The following MARCHF1 variants were observed in gnomAD, a reference collection of about 807,000 sequenced individuals.
The protein encoded by MARCHF1 is E3 ubiquitin-protein ligase MARCHF1.
MARCHF1 carries 40 observed loss-of-function variants against 54.2 expected under a neutral mutation model. The ratio of observed to expected loss-of-function variants is 0.74; its 90% confidence interval spans 0.57 to 0.96. The LOEUF (loss-of-function observed/expected upper bound fraction) is 0.96. MARCHF1 is among the 40% of genes least tolerant of loss of function. MARCHF1 has a pLI of 0.00. For synonymous variants in MARCHF1, 236 were observed against 236.3 expected (o/e 1.00, Z 0.01); for missense variants, 586 against 656.5 (o/e 0.89, Z 1.17).
In MARCHF1 at chr4:163,838,192, T is replaced by C. The variant is rs562100215; in HGVS notation, c.111+15829A>G. 3.3e-5 allele frequency among the ~76,000 whole-genome samples: 5 copies of C among 152,210 alleles called. No homozygotes were observed. In the South Asian group the frequency reaches 1.0e-3, roughly 32 times the overall value. On this transcript the variant is annotated intron_variant, in intron 4 of 9. Coordinates refer to ENST00000514618, the MANE Select transcript of MARCHF1 (RefSeq NM_001394959.1). The stretch of plus-strand genomic sequence containing the variant: ...GACTGGTTCCAGGAACTCCTGAAAA[T>C]ACCAAAATCCATGGATGGATGGTCA...
intron 5 of MARCHF1, among the ~76,000 whole-genome samples, chr4:163,648,586 G>T (rs1272447997): frequency 2.1e-5 from 3 of 144,096 alleles, no homozygotes; most frequent in Non-Finnish European, 4.5e-5. Context: ...TTCTATAGCA[G>T]GGGTAGCAAA....
intron 1 of MARCHF1, among the ~76,000 whole-genome samples, chr4:164,298,720 C>T (rs912536887): frequency 2.6e-5 from 4 of 152,026 alleles, no homozygotes; most frequent in Non-Finnish European, 4.4e-5. Flanking sequence ...TATACCGCTT[C>T]CATGGACAAA....
At chr4:163,551,543 A>T (rs1739106713) in intron 8 of MARCHF1, among the ~76,000 whole-genome samples, 1 of 152,236 alleles carries the variant, frequency 6.6e-6, no homozygotes, top group Non-Finnish European at 1.5e-5. Flanking sequence ...GGCAGCTGGT[A>T]AAGTTCACTA....
At chr4:164,185,377 C>A (rs1443680786) in intron 1 of MARCHF1, among the ~76,000 whole-genome samples, 1 of 152,068 alleles carries the variant, frequency 6.6e-6, no homozygotes, top group East Asian at 1.9e-4. Context: ...ATCACTATAT[C>A]CAATAACTTC....
chr4:164,252,703 C>T (rs960072720), intron 1 of MARCHF1, among the ~76,000 whole-genome samples: 16 of 151,958 alleles, frequency 1.1e-4, no homozygotes, highest in Non-Finnish European at 1.9e-4. Context: ...AAGTTAATAT[C>T]CTCAGAGATA....
At chr4:164,186,120 T>G (rs1043958336) in intron 1 of MARCHF1, among the ~76,000 whole-genome samples, 10 of 152,180 alleles carry the variant, frequency 6.6e-5, no homozygotes, top group African/African-American at 2.4e-4. Context: ...CTCGAACTTC[T>G]GACATCAGAT....
rs1751994327 is a variant in MARCHF1, at chr4:163,944,872, A to T, written c.-39+43629T>A. Reference sequence around the variant, plus strand: ...AGTTTTGCAAGAGTAATATCAATTTAAAATGATTAGATATAGACATTGAAT... The same window carrying T: ...AGTTTTGCAAGAGTAATATCAATTTTAAATGATTAGATATAGACATTGAAT... On this transcript the variant is annotated intron_variant, in intron 3 of 9. Coordinates refer to ENST00000514618, the MANE Select transcript of MARCHF1 (RefSeq NM_001394959.1). Among the ~76,000 whole-genome samples the T allele has an allele frequency of 1.3e-5, 2 of 152,218 alleles. 1 individual carries two copies. The highest frequency in any genetic ancestry group is 4.1e-4 in the South Asian group (2 of 4,824).
intron 2 of MARCHF1, among the ~76,000 whole-genome samples, chr4:164,089,603 T>C (rs902690669): frequency 2.0e-5 from 3 of 152,032 alleles, no homozygotes; most frequent in Non-Finnish European, 2.9e-5. Flanking sequence ...TATTCTAGAG[T>C]TGATGCTATA....
chr4:164,006,161 T>C (rs1206334054), intron 2 of MARCHF1, among the ~76,000 whole-genome samples: 1 of 152,090 alleles, frequency 6.6e-6, no homozygotes, highest in Non-Finnish European at 1.5e-5. Context: ...AATTGTAAGT[T>C]CTCTGAAAAA....
intron 1 of MARCHF1, among the ~76,000 whole-genome samples, chr4:164,134,944 G>A (rs562542984): frequency 8.6e-5 from 13 of 151,946 alleles, no homozygotes; most frequent in East Asian, 3.9e-4. Flanking sequence ...GGACAATATC[G>A]TCAAAATTAG....
At chr4:163,796,603 C>T (rs1478229280) in intron 4 of MARCHF1, among the ~76,000 whole-genome samples, 1 of 152,000 alleles carries the variant, frequency 6.6e-6, no homozygotes, top group African/African-American at 2.4e-5. Context: ...TTTTTTCATA[C>T]AGTCTGATAT....
At chr4:164,189,822 C>G in intron 1 of MARCHF1, 1 of 1,590,956 alleles carries the variant, frequency 6.3e-7, no homozygotes. Context: ...TACATTTGAT[C>G]TGACTGGAAT....
chr4:163,963,739 T>C (rs953490651), intron 3 of MARCHF1, among the ~76,000 whole-genome samples: 4 of 151,962 alleles, frequency 2.6e-5, no homozygotes, highest in Non-Finnish European at 5.9e-5. Flanking sequence ...TGAAGCAACC[T>C]CTATCATGCA....
intron 1 of MARCHF1, among the ~76,000 whole-genome samples, chr4:164,136,524 C>T (rs1018102128): frequency 2.0e-5 from 3 of 152,220 alleles, no homozygotes; most frequent in South Asian, 2.1e-4. Flanking sequence ...TCAGCAGAGC[C>T]GATTGGCTGG....
intron 4 of MARCHF1, among the ~76,000 whole-genome samples, chr4:163,813,546 G>T (rs975111312): frequency 6.6e-6 from 1 of 151,928 alleles, no homozygotes; most frequent in African/African-American, 2.4e-5. Context: ...GTATTTAAGA[G>T]GAAATTAAAG....
At chr4:163,676,199 A>AG (rs568947601) in intron 5 of MARCHF1, among the ~76,000 whole-genome samples, 3 of 149,004 alleles carry the variant, frequency 2.0e-5, no homozygotes, top group Non-Finnish European at 3.0e-5. Flanking sequence ...AAAAAAAAAA[A>AG]AAAAAAAATT....
At chr4:164,054,259 A>C (rs1172301356) in intron 2 of MARCHF1, among the ~76,000 whole-genome samples, 2 of 152,106 alleles carry the variant, frequency 1.3e-5, no homozygotes, top group African/African-American at 2.4e-5. Context: ...GGCAATCATT[A>C]AAAAGTCAGG....
intron 1 of MARCHF1, among the ~76,000 whole-genome samples, chr4:164,142,065 G>T (rs1579567804): frequency 1.3e-5 from 2 of 152,074 alleles, no homozygotes. Flanking sequence ...GTGACAGACG[G>T]CACCTGGAAA....
chr4:164,198,168 T>G (rs1457716781), intron 1 of MARCHF1, among the ~76,000 whole-genome samples: 1 of 152,216 alleles, frequency 6.6e-6, no homozygotes, highest in Non-Finnish European at 1.5e-5. Context: ...CATATTTTGG[T>G]GAGATCTCCC....
Sources: gnomAD v4.1 joint callset for allele counts (sites outside exome capture counted in the v4.1 genomes callset) on GRCh38, gnomAD v4.1.1 for gene constraint, MANE v1.5 for transcripts, NCBI Gene and HGNC (gene_info 2026-07-23, HGNC 2026-07-21) for gene names.